Variants in EFHC1 observed in about 807,000 individuals in gnomAD.
The protein encoded by EFHC1 is EF-hand domain containing 1.
EFHC1 carries 53 observed loss-of-function variants against 69.9 expected under a neutral mutation model. That is an observed-to-expected ratio of 0.76 (90% CI 0.61 to 0.95). The LOEUF is 0.95. Ranked by LOEUF, EFHC1 falls within the 40% of genes least tolerant of loss-of-function variation. The pLI is 0.00. For missense variants in EFHC1, 739 were observed against 798.7 expected, an observed-to-expected ratio of 0.93 and a Z score of 0.90; for synonymous variants, 256 against 278.4, an observed-to-expected ratio of 0.92 and a Z score of 0.80.
chr6:52,479,149 G>A lies in EFHC1; in HGVS notation c.1391G>A (p.Gly464Asp). 1 of 1,614,084 alleles carries A rather than the reference G, an allele frequency of 6.2e-7. No individual in the cohort carries two copies. Among genetic ancestry groups the A allele is most frequent in the South Asian group, 1.1e-5 (1 of 91,076 alleles). Reference protein sequence around the residue: ...PPVRNSGIIGGKYLGRTKVVK... With the variant: ...PPVRNSGIIGDKYLGRTKVVK... ...GTTCGCAATTCTGGTATCATTGGGG[G>A]CAAGTACCTTGGCAGGACTAAAGTT... Residue 464 changes from glycine to aspartate, a missense_variant, in exon 8 of 11, where the codon GGC becomes GAC. Transcript: ENST00000371068.
At chr6:52,460,119 A>T (rs1383211813) in intron 5 of EFHC1, among the ~76,000 whole-genome samples, 1 of 152,230 alleles carries the variant, frequency 6.6e-6, no homozygotes, top group Non-Finnish European at 1.5e-5. Context: ...ATAATAGCCA[A>T]AAGTTGGAAA....
chr6:52,442,436 C>A (rs1333215473), intron 3 of EFHC1, among the ~76,000 whole-genome samples: 1 of 151,310 alleles, frequency 6.6e-6, no homozygotes, highest in Admixed American at 6.6e-5. Flanking sequence ...CTAGTGGTAT[C>A]CCTCCCCACA....
chr6:52,478,415 T>TA (rs1164246681), intron 7 of EFHC1, among the ~76,000 whole-genome samples: 1 of 152,100 alleles, frequency 6.6e-6, no homozygotes, highest in African/African-American at 2.4e-5. Context: ...CCCTAAAACT[T>TA]AAACTATAAT....
intron 3 of EFHC1, among the ~76,000 whole-genome samples, chr6:52,439,393 G>A (rs1440104794): frequency 1.3e-5 from 2 of 152,104 alleles, no homozygotes; most frequent in Non-Finnish European, 1.5e-5. Flanking sequence ...TTAGTAGTTT[G>A]TTTAACAGAT....
intron 7 of EFHC1, among the ~76,000 whole-genome samples, chr6:52,478,747 TAATC>T (rs1322533146): frequency 6.6e-6 from 1 of 152,154 alleles, no homozygotes; most frequent in Non-Finnish European, 1.5e-5. Context: ...TTTAAAATAA[TAATC>T]CACATTTTTA....
At chr6:52,451,393 G>A (rs1301206463) in intron 3 of EFHC1, among the ~76,000 whole-genome samples, 3 of 152,144 alleles carry the variant, frequency 2.0e-5, no homozygotes, top group Admixed American at 2.0e-4. Context: ...TTGCTAAGAA[G>A]CTTAGTTTGG....
intron 9 of EFHC1, chr6:52,482,545 C>T (rs1765703288): frequency 2.8e-6 from 1 of 355,062 alleles, no homozygotes; most frequent in Non-Finnish European, 5.0e-6. Context: ...CATTGTATAA[C>T]TTATGATGCA....
At chr6:52,420,946 C>A in intron 1 of EFHC1, 1 of 969,860 alleles carries the variant, frequency 1.0e-6, no homozygotes, top group Non-Finnish European at 1.3e-6. Context: ...CTCATTCCCA[C>A]AGGTCCGTCA....
chr6:52,476,622 T>A lies in EFHC1; in HGVS notation c.1279-2415T>A, dbSNP rs181292211. Among the ~76,000 whole-genome samples, 20 of 152,310 alleles carry A rather than the reference T, an allele frequency of 1.3e-4. No homozygotes were observed. In the East Asian group the frequency reaches 2.3e-3, roughly 18 times the overall value. ...ACATCATAAACTCCCTGGTATACAC[T>A]AAAGACATGGTATCTTTTCTGGGTT... On this transcript the variant is annotated intron_variant, in intron 7 of 10. Transcript: ENST00000371068.
At chr6:52,469,524 T>C in intron 7 of EFHC1, 51 bp downstream of exon 7, 2 of 1,606,476 alleles carry the variant, frequency 1.2e-6, no homozygotes, top group Non-Finnish European at 1.7e-6. Context: ...CAGTACTGTG[T>C]ACAATTGTTT....
chr6:52,445,283 T>A (rs1308296911), intron 3 of EFHC1, among the ~76,000 whole-genome samples: 1 of 151,160 alleles, frequency 6.6e-6, no homozygotes, highest in Non-Finnish European at 1.5e-5. Flanking sequence ...TTTGGTTTTT[T>A]AATTAATTAA....
At chr6:52,430,097 AG>A (rs1249331245) in intron 2 of EFHC1, 1 of 152,216 alleles carries the variant, frequency 6.6e-6, no homozygotes, top group African/African-American at 2.4e-5. Flanking sequence ...TATCAGTTCT[AG>A]GAGCTTTCTG....
chr6:52,490,455 G>A lies in EFHC1; in HGVS notation c.1851+105G>A, dbSNP rs1016199095. On this transcript the variant is annotated intron_variant, in intron 10 of 10. Transcript: ENST00000371068. ...TTTCACTACAACTGGGCCAGATTTA[G>A]GATGTTCAGATCAGATCTACTATTC... The A allele has an allele frequency of 8.3e-6, 8 of 959,956 alleles. No homozygotes were observed. The African/African-American group carries it at 9.7e-5, about 12-fold the overall frequency. 59.5% of individuals were successfully genotyped at this position (959,956 alleles called of 1,614,324 possible).
intron 4 of EFHC1, 168 bp downstream of exon 4, chr6:52,453,005 A>C: frequency 1.3e-6 from 2 of 1,545,578 alleles, no homozygotes; most frequent in South Asian, 2.3e-5. Context: ...GGTTACAGGT[A>C]CAGGAATGCC....
intron 4 of EFHC1, chr6:52,453,585 A>G (rs1764967162): frequency 3.1e-6 from 4 of 1,273,982 alleles, no homozygotes; most frequent in Non-Finnish European, 3.0e-6. Context: ...TTGTATTTAA[A>G]GATTGTGTTT....
At chr6:52,445,411 C>G (rs1354548443) in intron 3 of EFHC1, among the ~76,000 whole-genome samples, 1 of 151,866 alleles carries the variant, frequency 6.6e-6, no homozygotes, top group Non-Finnish European at 1.5e-5. Context: ...AACTTGTCGT[C>G]TAGCATTAGG....
chr6:52,483,268 ATT>A (rs1328003005), intron 9 of EFHC1: 1 of 157,302 alleles, frequency 6.4e-6, no homozygotes, highest in Non-Finnish European at 1.4e-5. Flanking sequence ...GGTAATCGAA[ATT>A]CATGCATCTT....
At chr6:52,459,281 G>A (rs1292520636) in intron 5 of EFHC1, among the ~76,000 whole-genome samples, 1 of 152,132 alleles carries the variant, frequency 6.6e-6, no homozygotes, top group Non-Finnish European at 1.5e-5. Context: ...GAAAGTGAAA[G>A]GAAAAGCTAA....
intron 5 of EFHC1, among the ~76,000 whole-genome samples, chr6:52,462,930 A>C (rs1166450426): frequency 6.6e-6 from 1 of 151,854 alleles, no homozygotes; most frequent in Non-Finnish European, 1.5e-5. Flanking sequence ...TAGCCATTAA[A>C]CATAAAATAA....
Sources: gnomAD v4.1 joint callset for allele counts (sites outside exome capture counted in the v4.1 genomes callset) on GRCh38, gnomAD v4.1.1 for gene constraint, MANE v1.5 for transcripts, NCBI Gene and HGNC (gene_info 2026-07-23, HGNC 2026-07-21) for gene names.